Variants in ELF2 observed in about 807,000 individuals in gnomAD.
ELF2 encodes E74 like ETS transcription factor 2, also known as ETS-related transcription factor Elf-2.
Under a neutral mutation model 54.8 loss-of-function variants are expected in ELF2, and 11 were observed. The observed-to-expected ratio is 0.20, with a 90% CI of 0.13 to 0.33. The LOEUF (loss-of-function observed/expected upper bound fraction) is 0.33, where lower values mean the gene tolerates loss of function less well. Ranked by LOEUF, ELF2 falls within the 10% of genes least tolerant of loss-of-function variation. ELF2 has a pLI of 1.00. For missense variants in ELF2, 513 were observed against 703.0 expected, an observed-to-expected ratio of 0.73 and a Z score of 3.06; for synonymous variants, 203 against 245.1, an observed-to-expected ratio of 0.83 and a Z score of 1.61.
intron 1 of ELF2, among the ~76,000 whole-genome samples, chr4:139,172,917 C>A (rs1742467519): frequency 9.5e-6 from 1 of 105,048 alleles, no homozygotes; most frequent in Non-Finnish European, 2.0e-5. Flanking sequence ...TATCATATAC[C>A]TATACAAAGA....
intron 5 of ELF2, 156 bp from the exon 6 acceptor site, chr4:139,072,195 T>C (rs1465510765): frequency 3.0e-6 from 2 of 661,368 alleles, no homozygotes; most frequent in Non-Finnish European, 4.9e-6. Flanking sequence ...ATATTCGATA[T>C]GATTTAAACT....
intron 4 of ELF2, among the ~76,000 whole-genome samples, chr4:139,124,913 CTT>C (rs1000217372): frequency 3.9e-5 from 6 of 151,930 alleles, no homozygotes. Context: ...AATAAAATAA[CTT>C]TATCATTATG....
At chr4:139,140,798 C>A (rs911397728) in intron 1 of ELF2, among the ~76,000 whole-genome samples, 9 of 151,844 alleles carry the variant, frequency 5.9e-5, no homozygotes, top group Non-Finnish European at 1.0e-4. Context: ...ATCCTGCATA[C>A]CCTTCCAGCT....
At chr4:139,095,722 T>G (rs1167840721) in intron 4 of ELF2, among the ~76,000 whole-genome samples, 1 of 152,236 alleles carries the variant, frequency 6.6e-6, no homozygotes. Flanking sequence ...ATGATGGATT[T>G]CATTTGCTAT....
chr4:139,066,009 CTTTTTTTTTTTTT>C (rs372715360), intron 7 of ELF2: 8 of 105,682 alleles, frequency 7.6e-5, no homozygotes, highest in African/African-American at 2.2e-4. Context: ...TCAATGTCAC[CTTTTTTTTTTTTT>C]TTTTTTTTTT....
chr4:139,145,820 A>G (rs1739174226), intron 1 of ELF2, among the ~76,000 whole-genome samples: 1 of 152,220 alleles, frequency 6.6e-6, no homozygotes, highest in Admixed American at 6.5e-5. Flanking sequence ...CAGAAAAAAC[A>G]TTCAATAAAA....
intron 4 of ELF2, chr4:139,101,771 A>G (rs1460391608): frequency 6.6e-6 from 1 of 152,210 alleles, no homozygotes; most frequent in East Asian, 1.9e-4. Context: ...TTCCCAGAAC[A>G]TAGGCCTTCA....
chr4:139,062,115 T>C, intron 7 of ELF2, 58 bp from the exon 8 acceptor site: 5 of 1,464,488 alleles, frequency 3.4e-6, no homozygotes, highest in Non-Finnish European at 4.7e-6. Context: ...AATACATAAT[T>C]AAAAGCAAAT....
chr4:139,106,322 T>C (rs963821388), intron 4 of ELF2, among the ~76,000 whole-genome samples: 13 of 151,826 alleles, frequency 8.6e-5, no homozygotes, highest in African/African-American at 3.2e-4. Flanking sequence ...TTCAGATCCC[T>C]AGTATGGATT....
intron 4 of ELF2, among the ~76,000 whole-genome samples, chr4:139,085,894 T>C (rs1731927607): frequency 6.6e-6 from 1 of 152,198 alleles, no homozygotes; most frequent in African/African-American, 2.4e-5. Flanking sequence ...ATCGCACCAC[T>C]GCACTCCAGC....
chr4:139,161,875 A>G (rs562985787), intron 1 of ELF2, among the ~76,000 whole-genome samples: 49 of 152,208 alleles, frequency 3.2e-4, no homozygotes, highest in Admixed American at 3.1e-3. Context: ...CGGGTGGATC[A>G]CAAGGTCAGG....
intron 6 of ELF2, among the ~76,000 whole-genome samples, chr4:139,071,543 G>A (rs924235424): frequency 6.6e-6 from 1 of 151,834 alleles, no homozygotes; most frequent in African/African-American, 2.4e-5. Flanking sequence ...AAGTAACCAA[G>A]TACCCATAAA....
At chr4:139,089,965 T>C (rs757523459) in intron 4 of ELF2, among the ~76,000 whole-genome samples, 12 of 152,244 alleles carry the variant, frequency 7.9e-5, no homozygotes, top group Non-Finnish European at 1.5e-4. Flanking sequence ...GGTCTCACTC[T>C]GTCACTGAGG....
At chr4:139,151,288 A>C (rs1739972939) in intron 1 of ELF2, among the ~76,000 whole-genome samples, 1 of 152,110 alleles carries the variant, frequency 6.6e-6, no homozygotes, top group African/African-American at 2.4e-5. Flanking sequence ...AAAAATTATT[A>C]GATGAGACAC....
chr4:139,135,235 ATATGTGTGTGTGTGTGTGTGTGTG>A (rs1738010630), intron 3 of ELF2, among the ~76,000 whole-genome samples: 2 of 131,888 alleles, frequency 1.5e-5, no homozygotes, highest in Non-Finnish European at 3.2e-5. Flanking sequence ...ACTACTATAT[ATATGTGTGTGTGTGTGTGTGTGTG>A]TGTGTGTGTG....
intron 1 of ELF2, among the ~76,000 whole-genome samples, chr4:139,156,500 T>G (rs1219161508): frequency 6.6e-6 from 1 of 152,146 alleles, no homozygotes; most frequent in African/African-American, 2.4e-5. Flanking sequence ...TATATTCTTG[T>G]GTGGTATACA....
chr4:139,131,307 G>C (rs545780990), intron 3 of ELF2, among the ~76,000 whole-genome samples: 86 of 152,294 alleles, frequency 5.6e-4, no homozygotes, highest in African/African-American at 1.9e-3. Flanking sequence ...CAACCCTACT[G>C]TAAGTATTAA....
chr4:139,136,270 T>C (rs1738143041), intron 3 of ELF2, among the ~76,000 whole-genome samples: 1 of 152,212 alleles, frequency 6.6e-6, no homozygotes, highest in Non-Finnish European at 1.5e-5. Context: ...ATGGACTTTG[T>C]ACCTGTTTTG....
At chr4:139,176,088 G>A (rs936911189) in intron 1 of ELF2, among the ~76,000 whole-genome samples, 2 of 152,182 alleles carry the variant, frequency 1.3e-5, no homozygotes, top group African/African-American at 2.4e-5. Context: ...AGCCCTCCCT[G>A]TCCTCCTTCC....
Sources: allele counts gnomAD v4.1 joint callset (sites outside exome capture counted in the v4.1 genomes callset), GRCh38; gene constraint gnomAD v4.1.1; transcripts MANE v1.5; gene names NCBI Gene and HGNC (gene_info 2026-07-23, HGNC 2026-07-21).